MYOT: variants seen among roughly 807,000 people sequenced by gnomAD.
The protein encoded by MYOT is 57 kDa cytoskeletal protein.
MYOT carries 36 observed loss-of-function variants against 58.0 expected under a neutral mutation model. The ratio of observed to expected loss-of-function variants is 0.62; its 90% CI spans 0.48 to 0.82. The LOEUF (loss-of-function observed/expected upper bound fraction) is 0.82. Ranked by LOEUF, MYOT falls within the 40% of genes least tolerant of loss-of-function variation. The pLI is 0.00. For synonymous variants in MYOT, 218 were observed against 204.6 expected (o/e 1.07, Z -0.56); for missense variants, 505 against 592.1 (o/e 0.85, Z 1.53).
chr5:137,885,602 T>C (rs530648408), intron 7 of MYOT, among the ~76,000 whole-genome samples: 79 of 151,572 alleles, frequency 5.2e-4, no homozygotes, highest in Non-Finnish European at 8.1e-4. Context: ...CAAAACTCTG[T>C]GTCCACTAAA....
At chr5:137,874,138 G>A (rs1235246765) in intron 2 of MYOT, among the ~76,000 whole-genome samples, 7 of 152,172 alleles carry the variant, frequency 4.6e-5, no homozygotes, top group Admixed American at 4.6e-4. Flanking sequence ...TGAGGGCAGT[G>A]GCTAGTTTCC....
At chr5:137,868,133 C>T (rs191321654) in intron 1 of MYOT, among the ~76,000 whole-genome samples, 180 bp downstream of exon 1, 1 of 152,248 alleles carries the variant, frequency 6.6e-6, no homozygotes, top group East Asian at 1.9e-4. Context: ...GACTGGAAGG[C>T]ATTATACAAA....
intron 4 of MYOT, among the ~76,000 whole-genome samples, chr5:137,879,003 T>G (rs188785375): frequency 6.3e-4 from 94 of 149,648 alleles, no homozygotes; most frequent in African/African-American, 2.1e-3. Flanking sequence ...TGAAATTCAG[T>G]TTTTTTTTTC....
intron 3 of MYOT, 168 bp downstream of exon 3, chr5:137,876,171 C>G: frequency 1.4e-6 from 1 of 691,880 alleles, no homozygotes; most frequent in Non-Finnish European, 2.4e-6. Context: ...ATGAAATCAC[C>G]TCTTGGTTTA....
intron 2 of MYOT, among the ~76,000 whole-genome samples, chr5:137,872,163 T>C (rs1755071744): frequency 6.6e-6 from 1 of 152,196 alleles, no homozygotes; most frequent in African/African-American, 2.4e-5. Context: ...TGGCTGATAG[T>C]CAACTGTTTT....
chr5:137,883,256 C>T, intron 6 of MYOT, 128 bp from the exon 7 acceptor site: 1 of 744,492 alleles, frequency 1.3e-6, no homozygotes, highest in Non-Finnish European at 2.4e-6. Flanking sequence ...TACTTTTGAG[C>T]TCTTGCTTTG....
intron 1 of MYOT, among the ~76,000 whole-genome samples, chr5:137,869,872 C>T (rs1035738627): frequency 4.0e-5 from 6 of 151,086 alleles, no homozygotes; most frequent in African/African-American, 1.5e-4. Context: ...TGGAATGCAG[C>T]CTGTAACATA....
Position 137,883,582 on chromosome 5 carries a change from G to A in MYOT, c.1015G>A (p.Asp339Asn), listed in dbSNP as rs201903235. The A allele has an allele frequency of 6.2e-7, 1 of 1,613,908 alleles. No individual in the cohort carries two copies. Among genetic ancestry groups the A allele is most frequent in the East Asian group, 2.2e-5 (1 of 44,894 alleles). The change falls in exon 7 of 10, where the codon GAT (aspartate) becomes AAT (asparagine). Residue 339 changes from aspartate to asparagine, a missense_variant. Coordinates refer to ENST00000239926, the MANE Select transcript of MYOT (RefSeq NM_006790.3). ...AGEATFTVQL[D>N]VLAKEHKRAP... ...AGAAGCCACCTTCACTGTGCAGCTGGATGTCCTTGGTAAGCCTCCAAAGAG... is the reference window on the plus strand; with the variant it reads ...AGAAGCCACCTTCACTGTGCAGCTGAATGTCCTTGGTAAGCCTCCAAAGAG...
chr5:137,877,986 G>A (rs1580856550), intron 4 of MYOT, among the ~76,000 whole-genome samples: 1 of 152,098 alleles, frequency 6.6e-6, no homozygotes, highest in South Asian at 2.1e-4. Flanking sequence ...ATAAATGAAA[G>A]TAATTATAAC....
chr5:137,883,734 C>A (rs1755510990), intron 7 of MYOT, 143 bp downstream of exon 7: 3 of 712,790 alleles, frequency 4.2e-6, no homozygotes. Context: ...TTTTTATCTA[C>A]AAACCACAGG....
At chr5:137,884,198 T>C (rs955520082) in intron 7 of MYOT, among the ~76,000 whole-genome samples, 1 of 151,860 alleles carries the variant, frequency 6.6e-6, no homozygotes, top group Non-Finnish European at 1.5e-5. Flanking sequence ...CTACAAAAAA[T>C]AAAAAAATTA....
At chr5:137,870,403 T>C (rs1177782013) in intron 1 of MYOT, 38 bp from the exon 2 acceptor site, 1 of 583,898 alleles carries the variant, frequency 1.7e-6, no homozygotes, top group Non-Finnish European at 3.0e-6. Context: ...TGTTATTGTT[T>C]AAGCAAATAT....
At chr5:137,878,125 T>C (rs1323578549) in intron 4 of MYOT, among the ~76,000 whole-genome samples, 1 of 152,104 alleles carries the variant, frequency 6.6e-6, no homozygotes, top group Non-Finnish European at 1.5e-5. Flanking sequence ...AAACCCCTCA[T>C]GAGTAATTGT....
Position 137,870,663 on chromosome 5 carries a change from C to T in MYOT, c.12C>T (p.Tyr4=), listed in dbSNP as rs1206079947. 8.1e-6 allele frequency: 13 copies of T among 1,613,876 alleles called. No individual in the cohort carries two copies. Among genetic ancestry groups the T allele is most frequent in the South Asian group, 1.1e-5 (1 of 91,082 alleles). ...TATACCAACTAAGCATGTTTAACTA[C>T]GAACGTCCAAAACACTTCATCCAGT... The part of the protein sequence containing the change: MFN[Y]ERPKHFIQSQ... Residue 4 remains tyrosine (Y), a synonymous_variant, in exon 2 of 10, where the codon TAC becomes TAT. Transcript: ENST00000239926.
At chr5:137,880,282 A>C (rs764938280) in intron 4 of MYOT, among the ~76,000 whole-genome samples, 2 of 152,244 alleles carry the variant, frequency 1.3e-5, no homozygotes, top group Non-Finnish European at 2.9e-5. Context: ...CTATTTTACA[A>C]AGCTTTTTCA....
chr5:137,872,866 CT>C (rs1755093832), intron 2 of MYOT, among the ~76,000 whole-genome samples: 1 of 152,182 alleles, frequency 6.6e-6, no homozygotes, highest in Non-Finnish European at 1.5e-5. Flanking sequence ...TCAGCAAGCA[CT>C]TTACCTACCC....
intron 4 of MYOT, 87 bp downstream of exon 4, chr5:137,877,708 A>C: frequency 2.0e-6 from 2 of 992,546 alleles, no homozygotes; most frequent in Non-Finnish European, 3.2e-6. Context: ...ATAGCATCTG[A>C]AATAAAAGTC....
intron 4 of MYOT, among the ~76,000 whole-genome samples, chr5:137,878,775 A>G (rs1265885492): frequency 6.6e-6 from 1 of 152,102 alleles, no homozygotes; most frequent in Non-Finnish European, 1.5e-5. Flanking sequence ...GTGAGCCAAA[A>G]TCATGCCACT....
At chr5:137,886,722 A>C (rs1053458663) in intron 8 of MYOT, 142 bp from the exon 9 acceptor site, 81 of 710,216 alleles carry the variant, frequency 1.1e-4, no homozygotes, top group Non-Finnish European at 1.6e-4. Flanking sequence ...AATTCAAGAA[A>C]ACCAATAGCT....
Sources: gnomAD v4.1 joint callset for allele counts (sites outside exome capture counted in the v4.1 genomes callset) on GRCh38, gnomAD v4.1.1 for gene constraint, MANE v1.5 for transcripts, NCBI Gene and HGNC (gene_info 2026-07-23, HGNC 2026-07-21) for gene names.